The following PIK3C3 variants were observed in gnomAD, a reference collection of about 807,000 sequenced individuals.
The protein encoded by PIK3C3 is phosphatidylinositol 3-kinase catalytic subunit type 3.
PIK3C3 carries 95 observed loss-of-function variants against 126.1 expected under a neutral mutation model. The ratio of observed to expected loss-of-function variants is 0.75; its 90% CI spans 0.64 to 0.89. PIK3C3 has a LOEUF of 0.89. Ranked by LOEUF, PIK3C3 falls within the 40% of genes least tolerant of loss-of-function variation. The pLI is 0.00. For missense variants in PIK3C3, 829 were observed against 1,063.2 expected (o/e 0.78, Z 3.06); for synonymous variants, 374 against 360.0 (o/e 1.04, Z -0.44).
intron 24 of PIK3C3, among the ~76,000 whole-genome samples, 160 bp from the exon 25 acceptor site, chr18:42,080,963 A>G (rs570187172): frequency 5.9e-5 from 9 of 152,206 alleles, no homozygotes; most frequent in Non-Finnish European, 1.0e-4. Flanking sequence ...CAGGAATCCT[A>G]TACAGTATAG....
intron 19 of PIK3C3, 27 bp downstream of exon 19, chr18:42,040,768 T>C: frequency 7.2e-7 from 1 of 1,386,782 alleles, no homozygotes; most frequent in Non-Finnish European, 1.0e-6. Flanking sequence ...GATTATGCAA[T>C]TCATGAATAT....
chr18:42,004,574 G>T, intron 10 of PIK3C3, 33 bp downstream of exon 10: 1 of 1,523,468 alleles, frequency 6.6e-7, no homozygotes. Context: ...GCTTCAATGG[G>T]TCATTTTAAA....
At chr18:41,966,320 C>T (rs1980365603) in intron 3 of PIK3C3, among the ~76,000 whole-genome samples, 1 of 151,840 alleles carries the variant, frequency 6.6e-6, no homozygotes, top group African/African-American at 2.4e-5. Context: ...CAGGCCCATG[C>T]CACCGTGCCC....
chr18:42,062,303 G>A (rs1194999002), intron 22 of PIK3C3, among the ~76,000 whole-genome samples: 1 of 150,634 alleles, frequency 6.6e-6, no homozygotes, highest in Non-Finnish European at 1.5e-5. Flanking sequence ...ATTCCTTGAA[G>A]CCCTCTCAAG....
chr18:41,970,489 TCTGA>T (rs529793925), intron 4 of PIK3C3, 33 bp downstream of exon 4: 4 of 1,600,118 alleles, frequency 2.5e-6, no homozygotes, highest in Non-Finnish European at 3.4e-6. Context: ...GGTGCAAAGC[TCTGA>T]CTGATGTCTA....
At chr18:42,012,599 G>T (rs1249245831) in intron 10 of PIK3C3, among the ~76,000 whole-genome samples, 1 of 152,110 alleles carries the variant, frequency 6.6e-6, no homozygotes, top group African/African-American at 2.4e-5. Flanking sequence ...GTACATACTT[G>T]TGAAGAGGAC....
chr18:42,053,432 A>G (rs1358117405), intron 21 of PIK3C3, among the ~76,000 whole-genome samples: 2 of 152,080 alleles, frequency 1.3e-5, no homozygotes, highest in Non-Finnish European at 2.9e-5. Flanking sequence ...TTGTCAGTGT[A>G]TTGTCATGTG....
chr18:41,996,065 C>T (rs1982010217), intron 8 of PIK3C3, 71 bp downstream of exon 8: 1 of 957,610 alleles, frequency 1.0e-6, no homozygotes, highest in Admixed American at 1.9e-5. Flanking sequence ...ATAGCTATCA[C>T]CTCACTTAAA....
At chr18:41,987,498 A>T (rs1391790646) in intron 4 of PIK3C3, among the ~76,000 whole-genome samples, 1 of 152,094 alleles carries the variant, frequency 6.6e-6, no homozygotes, top group Non-Finnish European at 1.5e-5. Flanking sequence ...AACTATTATT[A>T]TAATTTCATC....
chr18:42,012,118 A>G (rs1220486529), intron 10 of PIK3C3, among the ~76,000 whole-genome samples: 1 of 152,052 alleles, frequency 6.6e-6, no homozygotes, highest in Non-Finnish European at 1.5e-5. Context: ...GAGTGAATGC[A>G]TGCTGTTGGA....
intron 21 of PIK3C3, chr18:42,051,402 A>C (rs998493721): frequency 1.3e-5 from 2 of 152,202 alleles, no homozygotes; most frequent in African/African-American, 4.8e-5. Flanking sequence ...GGTCTCTCAA[A>C]ACATTTTCTG....
intron 19 of PIK3C3, 61 bp from the exon 20 acceptor site, chr18:42,043,672 C>A: frequency 9.0e-7 from 1 of 1,113,430 alleles, no homozygotes; most frequent in South Asian, 1.3e-5. Context: ...TTTATAGTTT[C>A]AAAACACCTA....
In PIK3C3 at chr18:42,013,591, A is replaced by T; in HGVS notation, c.1320A>T (p.Ile440=). 1 of 1,593,760 alleles carries T rather than the reference A, an allele frequency of 6.3e-7. No individual in the cohort carries two copies. Among genetic ancestry groups the T allele is most frequent in the Non-Finnish European group, 8.6e-7 (1 of 1,168,018 alleles). The stretch of plus-strand genomic sequence containing the variant: ...ATTCTGGAATAAATTCTGCAGAAAT[A>T]GATAGGTATGGATATCCAGGGAGGA... ...VSNSGINSAE[I]DSSQIITSPL... Residue 440 remains isoleucine (I), a synonymous_variant, in exon 11 of 25, where the codon ATA becomes ATT. Transcript: ENST00000262039.
intron 4 of PIK3C3, among the ~76,000 whole-genome samples, chr18:41,986,594 A>C (rs376156783): frequency 1.7e-4 from 25 of 151,086 alleles, no homozygotes; most frequent in East Asian, 1.2e-3. Flanking sequence ...CTCCTACTCT[A>C]GCACTCTTTT....
chr18:42,079,827 T>C (rs1986172784), intron 24 of PIK3C3, among the ~76,000 whole-genome samples: 1 of 152,176 alleles, frequency 6.6e-6, no homozygotes, highest in Non-Finnish European at 1.5e-5. Context: ...CCTTATCATC[T>C]TCAAAAGCCT....
intron 4 of PIK3C3, among the ~76,000 whole-genome samples, chr18:41,982,292 A>G (rs1981245611): frequency 6.6e-6 from 1 of 152,190 alleles, no homozygotes; most frequent in Admixed American, 6.5e-5. Context: ...AGTCTTTTGT[A>G]TATAGTAGTA....
chr18:42,028,268 A>G (rs1304651383), intron 14 of PIK3C3, among the ~76,000 whole-genome samples: 2 of 152,154 alleles, frequency 1.3e-5, no homozygotes, highest in Non-Finnish European at 2.9e-5. Flanking sequence ...TCTATTGTGT[A>G]TCTTTCTTAT....
Position 42,067,433 on chromosome 18 carries a change from C to T in PIK3C3, c.2569C>T (p.His857Tyr). ...RLDLSDEEAV[H>Y]YMQSLIDESV... is the part of the protein sequence containing the mutation. ...AGACCTGTCGGATGAAGAGGCTGTG[C>T]ATTACATGCAGAGTCTGATTGATGA... The change falls in exon 24 of 25, where the codon CAT becomes TAT. Residue 857 changes from histidine to tyrosine, a missense_variant. His to Tyr is a moderately conservative substitution (Grantham distance 83). Around this residue, in one of 4 missense-constraint regions of PIK3C3, gnomAD observed 196 missense variants for 312.8 expected, o/e 0.63. Coordinates refer to ENST00000262039, the MANE Select transcript of PIK3C3 (RefSeq NM_002647.4). 2 of 1,613,666 alleles carry T rather than the reference C, an allele frequency of 1.2e-6. No individual in the cohort carries two copies. The highest frequency in any genetic ancestry group is 1.7e-6 in the Non-Finnish European group (2 of 1,179,598).
chr18:42,039,877 A>C (rs958262023), intron 18 of PIK3C3, among the ~76,000 whole-genome samples: 1 of 152,322 alleles, frequency 6.6e-6, no homozygotes, highest in South Asian at 2.1e-4. Flanking sequence ...GAAACAATAA[A>C]TACCTGTTAA....
Sources: gnomAD v4.1 joint callset for allele counts (sites outside exome capture counted in the v4.1 genomes callset) on GRCh38, gnomAD v4.1.1 for gene constraint, gnomAD v4.1.1 regional missense constraint, MANE v1.5 for transcripts, NCBI Gene and HGNC (gene_info 2026-07-23, HGNC 2026-07-21) for gene names.